The following RANBP10 variants were observed in gnomAD, a reference collection of about 807,000 sequenced individuals.
RANBP10 encodes the protein ran-binding protein 10.
A neutral mutation model predicts 72.8 loss-of-function variants in RANBP10; 24 were observed. The observed-to-expected ratio is 0.33, with a 90% CI of 0.24 to 0.46. The LOEUF (loss-of-function observed/expected upper bound fraction) is 0.46, where lower values mean the gene tolerates loss of function less well. Ranked by LOEUF, RANBP10 falls within the 20% of genes least tolerant of loss-of-function variation. The pLI is 1.00. For missense variants in RANBP10, 679 were observed against 817.5 expected, an observed-to-expected ratio of 0.83 and a Z score of 2.07; for synonymous variants, 310 against 322.3, an observed-to-expected ratio of 0.96 and a Z score of 0.41.
chr16:67,748,603 T>C (rs2054134017), intron 3 of RANBP10, among the ~76,000 whole-genome samples: 1 of 151,938 alleles, frequency 6.6e-6, no homozygotes, highest in African/African-American at 2.4e-5. Flanking sequence ...AGGGTCTTTC[T>C]ATGTTGCCCA....
At chr16:67,771,833 C>A (rs2054612550) in intron 3 of RANBP10, among the ~76,000 whole-genome samples, 1 of 152,184 alleles carries the variant, frequency 6.6e-6, no homozygotes, top group Admixed American at 6.5e-5. Flanking sequence ...TAATGACAAT[C>A]ACTTGTCAAT....
intron 2 of RANBP10, among the ~76,000 whole-genome samples, chr16:67,798,583 C>A (rs1291473357): frequency 6.6e-6 from 1 of 152,188 alleles, no homozygotes; most frequent in Non-Finnish European, 1.5e-5. Context: ...TGGGAGCTGG[C>A]AAAACCAAAA....
In RANBP10 at chr16:67,767,129, C is replaced by T. The variant is rs539967699; in HGVS notation, c.400+4905G>A. Among the ~76,000 whole-genome samples, 5 of 152,256 alleles carry T rather than the reference C, an allele frequency of 3.3e-5. No individual in the cohort carries two copies. In the South Asian group the frequency reaches 8.3e-4, roughly 25 times the overall value. ...AAAGGACATGACCAGTAGCTGGCTT[C>T]AGACCAGCCCAGAGAGGTTAAGTCT... On this transcript the variant is annotated intron_variant, in intron 3 of 13. Coordinates refer to ENST00000317506, the MANE Select transcript of RANBP10 (RefSeq NM_020850.3).
chr16:67,726,255 G>C lies in RANBP10; in HGVS notation c.*173C>G. The C allele has an allele frequency of 1.1e-6, 1 of 926,914 alleles. No individual in the cohort carries two copies. The highest frequency in any genetic ancestry group is 1.6e-6 in the Non-Finnish European group (1 of 622,074). The allele number at this position is 926,914 out of a possible 1,614,324, so 57.4% of individuals were successfully genotyped here. A position where few individuals can be genotyped will look rare whatever the true frequency, so the allele number is the denominator to read the frequency against. On this transcript the variant is annotated 3_prime_UTR_variant, in exon 14 of 14. Coordinates refer to ENST00000317506, the MANE Select transcript of RANBP10 (RefSeq NM_020850.3). ...GGGAGAGAGAGAGAGACTGAGCGGG[G>C]TGGTGGGCAGAGAAAGGAAGGAAGG...
At chr16:67,763,670 TA>T (rs11296847) in intron 3 of RANBP10, among the ~76,000 whole-genome samples, 45,296 of 152,014 alleles carry the variant, frequency 0.3, 10,184 homozygotes, top group African/African-American at 0.63. Flanking sequence ...ACCACCCCCA[TA>T]ACCCACTTCA....
chr16:67,765,390 G>A (rs1002893688), intron 3 of RANBP10, among the ~76,000 whole-genome samples: 3 of 151,908 alleles, frequency 2.0e-5, no homozygotes, highest in Non-Finnish European at 4.4e-5. Context: ...GCTGGGCGTG[G>A]TGGTGCGTGC....
chr16:67,728,510 C>T lies in RANBP10; in HGVS notation c.1354G>A (p.Asp452Asn), dbSNP rs1402469852. The T allele has an allele frequency of 2.5e-6, 4 of 1,613,952 alleles. No individual in the cohort carries two copies. The highest frequency in any genetic ancestry group is 1.7e-6 in the Non-Finnish European group (2 of 1,180,030). Residue 452 changes from aspartate (D) to asparagine (N), a missense_variant and splice_region_variant, in exon 11 of 14, where the codon GAC becomes AAC. Asp to Asn is a conservative substitution (Grantham distance 23). Transcript: ENST00000317506. ...HSSTSNQETS[D>N]SEMEMEAEHY... ...TCTGCCTCCATCTCCATCTCACTGT[C>T]GCTGTGGGGAGGGGTTGAGGTGGGA...
chr16:67,785,324 C>T (rs1001976673), intron 2 of RANBP10, among the ~76,000 whole-genome samples: 2 of 151,830 alleles, frequency 1.3e-5, no homozygotes, highest in African/African-American at 2.4e-5. Flanking sequence ...TAGAAGAAAG[C>T]GTAAGGGTAA....
At chr16:67,798,159 C>A (rs1466110831) in intron 2 of RANBP10, among the ~76,000 whole-genome samples, 1 of 152,076 alleles carries the variant, frequency 6.6e-6, no homozygotes, top group South Asian at 2.1e-4. Context: ...CAGCCCAAAG[C>A]TCAGCATCTG....
intron 3 of RANBP10, among the ~76,000 whole-genome samples, chr16:67,745,745 C>T (rs1334716805): frequency 4.6e-5 from 7 of 152,126 alleles, no homozygotes; most frequent in Non-Finnish European, 1.0e-4. Flanking sequence ...TAAAGCTGAG[C>T]ATGGTGGCTC....
At chr16:67,797,527 G>A (rs2055155602) in intron 2 of RANBP10, among the ~76,000 whole-genome samples, 1 of 152,116 alleles carries the variant, frequency 6.6e-6, no homozygotes, top group African/African-American at 2.4e-5. Context: ...AAATTAGCCA[G>A]GGCTGGGGAT....
At chr16:67,790,299 G>C (rs1308806119) in intron 2 of RANBP10, among the ~76,000 whole-genome samples, 2 of 151,682 alleles carry the variant, frequency 1.3e-5, no homozygotes, top group Admixed American at 1.3e-4. Flanking sequence ...CTAGGAGGAA[G>C]GAGAAATGGA....
Position 67,805,511 on chromosome 16 carries a change from G to A in RANBP10, c.264C>T (p.Ala88=), listed in dbSNP as rs2055363701. 1.9e-6 allele frequency: 3 copies of A among 1,614,110 alleles called. No homozygotes were observed. Residue 88 remains alanine (A), a synonymous_variant, in exon 2 of 14, where the codon GCC becomes GCT. Coordinates refer to ENST00000317506, the MANE Select transcript of RANBP10 (RefSeq NM_020850.3). ...KGHGKNHKDA[A]SVRATHPIPA... The stretch of plus-strand genomic sequence containing the variant: ...GTATGGGGTGGGTGGCACGCACTGA[G>A]GCCGCATCTTTGTGATTTTTGCCAT...
chr16:67,744,162 C>A, intron 4 of RANBP10, 126 bp downstream of exon 4: 1 of 1,489,302 alleles, frequency 6.7e-7, no homozygotes, highest in South Asian at 1.4e-5. Flanking sequence ...GGCTCCAATG[C>A]CTGGAAATGG....
At chr16:67,798,159 C>T (rs1466110831) in intron 2 of RANBP10, among the ~76,000 whole-genome samples, 1 of 152,076 alleles carries the variant, frequency 6.6e-6, no homozygotes, top group African/African-American at 2.4e-5. Flanking sequence ...CAGCCCAAAG[C>T]TCAGCATCTG....
At chr16:67,792,661 T>C (rs1185249658) in intron 2 of RANBP10, among the ~76,000 whole-genome samples, 1 of 151,354 alleles carries the variant, frequency 6.6e-6, no homozygotes, top group Non-Finnish European at 1.5e-5. Context: ...TACGCACCTA[T>C]AGTCCCAGCT....
intron 3 of RANBP10, among the ~76,000 whole-genome samples, chr16:67,761,703 G>A (rs1336655818): frequency 2.0e-5 from 3 of 152,094 alleles, no homozygotes; most frequent in Non-Finnish European, 2.9e-5. Context: ...CTGAGTAGCT[G>A]GGACTACAGG....
intron 2 of RANBP10, among the ~76,000 whole-genome samples, chr16:67,794,989 T>C: frequency 7.2e-6 from 1 of 138,136 alleles, no homozygotes; most frequent in South Asian, 2.3e-4. Flanking sequence ...GTACAGTGGC[T>C]CACACCTGTA....
chr16:67,754,650 A>G (rs2054256079), intron 3 of RANBP10, among the ~76,000 whole-genome samples: 1 of 152,190 alleles, frequency 6.6e-6, no homozygotes, highest in Non-Finnish European at 1.5e-5. Flanking sequence ...CATATTTTGC[A>G]GTGAGTCTGT....
Sources: allele counts gnomAD v4.1 joint callset (sites outside exome capture counted in the v4.1 genomes callset), GRCh38; gene constraint gnomAD v4.1.1; transcripts MANE v1.5; gene names NCBI Gene and HGNC (gene_info 2026-07-23, HGNC 2026-07-21).